Variants in ADGRA2 observed in about 807,000 individuals in gnomAD.
ADGRA2 encodes the protein G-protein coupled receptor 124.
Under a neutral mutation model 98.7 loss-of-function variants are expected in ADGRA2, and 61 were observed. The observed-to-expected ratio is 0.62, with a 90% confidence interval of 0.50 to 0.76. The LOEUF is 0.76. ADGRA2 is among the 30% of genes least tolerant of loss of function. ADGRA2 has a pLI of 0.00. For synonymous variants in ADGRA2, 858 were observed against 831.5 expected (o/e 1.03, Z -0.55); for missense variants, 1,712 against 1,860.0 (o/e 0.92, Z 1.46).
chr8:37,835,514 G>A (rs376038472), intron 12 of ADGRA2, 40 bp from the exon 13 acceptor site: 1 of 1,504,062 alleles, frequency 6.6e-7, no homozygotes, highest in Non-Finnish European at 9.3e-7. Context: ...AGTGCTCTAG[G>A]GGGTCCTGGT....
chr8:37,818,291 G>T (rs1032652911), intron 2 of ADGRA2, among the ~76,000 whole-genome samples: 1 of 152,182 alleles, frequency 6.6e-6, no homozygotes, highest in Non-Finnish European at 1.5e-5. Flanking sequence ...AAGTGAGAAG[G>T]TACTGCACAG....
At chr8:37,816,777 A>T (rs1048138039) in intron 2 of ADGRA2, among the ~76,000 whole-genome samples, 8 of 152,054 alleles carry the variant, frequency 5.3e-5, no homozygotes, top group African/African-American at 1.9e-4. Context: ...TTAGCTGGGC[A>T]TGGTGGCATG....
In ADGRA2 at chr8:37,837,834, C is replaced by T. The variant is rs918028686; in HGVS notation, c.2154C>T (p.Pro718=). 12 of 1,529,874 alleles carry T rather than the reference C, an allele frequency of 7.8e-6. No individual in the cohort carries two copies. The highest frequency in any genetic ancestry group is 4.1e-5 in the African/African-American group (3 of 72,820). 94.8% of individuals were successfully genotyped at this position (1,529,874 alleles called of 1,614,324 possible). A position where few individuals can be genotyped will look rare whatever the true frequency, so the allele number is the denominator to read the frequency against. ...PVAAWWSQEG[P]GEAGGWTSEG... The stretch of plus-strand genomic sequence containing the variant: ...CCGCTTGGTGGAGCCAGGAGGGGCC[C>T]GGGGAGGCTGGGGGCTGGACCTCGG... The change falls in exon 14 of 19, where the codon CCC becomes CCT. Residue 718 remains proline, a synonymous_variant. Coordinates refer to ENST00000412232, the MANE Select transcript of ADGRA2 (RefSeq NM_032777.10).
At chr8:37,812,349 T>G (rs62490686) in intron 1 of ADGRA2, among the ~76,000 whole-genome samples, 33,764 of 152,114 alleles carry the variant, frequency 0.22, 4,061 homozygotes, top group Middle Eastern at 0.36. Context: ...GATTTGTGGC[T>G]GGGCGCGGTG....
At chr8:37,811,274 A>T (rs1188070152) in intron 1 of ADGRA2, among the ~76,000 whole-genome samples, 1 of 142,816 alleles carries the variant, frequency 7.0e-6, no homozygotes, top group Non-Finnish European at 1.5e-5. Context: ...GGTTCAAGAG[A>T]TTCTCCTGCC....
intron 9 of ADGRA2, among the ~76,000 whole-genome samples, chr8:37,833,486 T>C (rs1213107036): frequency 6.6e-6 from 1 of 152,178 alleles, no homozygotes; most frequent in African/African-American, 2.4e-5. Flanking sequence ...CCACTGTCCT[T>C]ACACCAGGGG....
rs565873987 is a variant in ADGRA2, at chr8:37,839,740, G to A, written c.2511+118G>A. 1.3e-4 allele frequency: 169 copies of A among 1,318,042 alleles called. 2 individuals are homozygous for A. In the South Asian group the frequency reaches 2.2e-3, roughly 17 times the overall value. The allele number at this position is 1,318,042 out of a possible 1,614,324, so 81.6% of individuals were successfully genotyped here. A position where few individuals can be genotyped will look rare whatever the true frequency, so the allele number is the denominator to read the frequency against. On this transcript the variant is annotated intron_variant, in intron 16 of 18. Coordinates refer to ENST00000412232, the MANE Select transcript of ADGRA2 (RefSeq NM_032777.10). ...GGTGCTCATAGGCCGTGGCTCCATG[G>A]CTTCCTCTGTGGCAGCCTTGGAAGG...
Position 37,814,874 on chromosome 8 carries a change from T to G in ADGRA2, c.267-22T>G. ...GCACATAACAGCACCTTGTCCTGTCTGTGTCCTCTCTGTCTCTTCAGGCTC... is the reference window on the plus strand; with the variant it reads ...GCACATAACAGCACCTTGTCCTGTCGGTGTCCTCTCTGTCTCTTCAGGCTC... On this transcript the variant is annotated intron_variant, in intron 1 of 18. Coordinates refer to ENST00000412232, the MANE Select transcript of ADGRA2 (RefSeq NM_032777.10). The surrounding 1 kb of genome is among the most constrained non-coding windows in gnomAD (Gnocchi z 4.3). 1.9e-6 allele frequency: 3 copies of G among 1,588,890 alleles called. No individual in the cohort carries two copies. Among genetic ancestry groups the G allele is most frequent in the Non-Finnish European group, 2.6e-6 (3 of 1,157,016 alleles).
Position 37,835,362 on chromosome 8 carries a change from G to C in ADGRA2, c.1797G>C (p.Gly599=). Residue 599 remains glycine, a synonymous_variant, in exon 12 of 19, where the codon GGG becomes GGC. Coordinates refer to ENST00000412232, the MANE Select transcript of ADGRA2 (RefSeq NM_032777.10). ...AGCTCCGCTTCCGCTGCACCACCGG[G>C]AGGCCCAATGTTTCTCTGTCGTCCT... ...DQQLRFRCTT[G]RPNVSLSSFH... is the part of the protein sequence containing the mutation. 6.2e-7 allele frequency: 1 copy of C among 1,612,544 alleles called. No homozygotes were observed. Among genetic ancestry groups the C allele is most frequent in the Non-Finnish European group, 8.5e-7 (1 of 1,179,944 alleles).
At position 37,838,942 on chromosome 8, in the gene ADGRA2, C is replaced by T; in HGVS notation, c.2260-14C>T. On this transcript the variant is annotated splice_polypyrimidine_tract_variant and intron_variant, in intron 14 of 18. Coordinates refer to ENST00000412232, the MANE Select transcript of ADGRA2 (RefSeq NM_032777.10). The stretch of plus-strand genomic sequence containing the variant: ...GTCCACATTCCTCACGTCCTCCTTC[C>T]TGCCCTTTCCCAGGAGCTGAGCGCC... 1.3e-6 allele frequency: 2 copies of T among 1,556,626 alleles called. No homozygotes were observed. The highest frequency in any genetic ancestry group is 1.7e-6 in the Non-Finnish European group (2 of 1,154,428).
intron 1 of ADGRA2, among the ~76,000 whole-genome samples, chr8:37,808,693 T>C (rs887911054): frequency 2.6e-5 from 4 of 152,158 alleles, no homozygotes; most frequent in Non-Finnish European, 4.4e-5. Context: ...GGCTCATCCC[T>C]ATAATCCCAG....
At chr8:37,801,502 A>C (rs1804503412) in intron 1 of ADGRA2, among the ~76,000 whole-genome samples, 3 of 152,212 alleles carry the variant, frequency 2.0e-5, no homozygotes, top group Non-Finnish European at 4.4e-5. Flanking sequence ...TGAGGTTCTC[A>C]GCTCTGGGAG....
chr8:37,811,219 G>T (rs1804823684), intron 1 of ADGRA2, among the ~76,000 whole-genome samples: 1 of 145,036 alleles, frequency 6.9e-6, no homozygotes, highest in South Asian at 2.2e-4. Context: ...ACCCAGGCTG[G>T]AGTGCAATAG....
intron 1 of ADGRA2, among the ~76,000 whole-genome samples, chr8:37,813,227 C>A (rs1045570145): frequency 1.3e-5 from 2 of 152,066 alleles, no homozygotes; most frequent in Non-Finnish European, 2.9e-5. Flanking sequence ...GACCTCATCT[C>A]TAAAAAAATT....
rs1321386974 is a variant in ADGRA2 at position 37,802,816 on chromosome 8, C to T, written c.266+5282C>T. Among the ~76,000 whole-genome samples the T allele has an allele frequency of 4.6e-5, 7 of 152,192 alleles. No homozygotes were observed. Among genetic ancestry groups the T allele is most frequent in the Non-Finnish European group, 4.4e-5 (3 of 68,014 alleles). ...AGAGCCCTGGGCAGAGCTCAGAGCT[C>T]TCTGGGGCTCACTGGTTGAATGAAG... On this transcript the variant is annotated intron_variant, in intron 1 of 18. Coordinates refer to ENST00000412232, the MANE Select transcript of ADGRA2 (RefSeq NM_032777.10). The surrounding 1 kb of genome is among the most constrained non-coding windows in gnomAD (Gnocchi z 4.7).
chr8:37,808,574 G>GT (rs1416002632), intron 1 of ADGRA2, among the ~76,000 whole-genome samples: 1 of 151,892 alleles, frequency 6.6e-6, no homozygotes, highest in Non-Finnish European at 1.5e-5. Context: ...GTGTGTGTGT[G>GT]TGTGTGTGTG....
At chr8:37,833,490 C>T (rs1302557584) in intron 9 of ADGRA2, among the ~76,000 whole-genome samples, 198 bp from the exon 10 acceptor site, 1 of 152,226 alleles carries the variant, frequency 6.6e-6, no homozygotes, top group Non-Finnish European at 1.5e-5. Context: ...TGTCCTTACA[C>T]CAGGGGTGCT....
intron 16 of ADGRA2, 133 bp downstream of exon 16, chr8:37,839,755 G>C (rs2130057433): frequency 1.8e-6 from 2 of 1,136,462 alleles, no homozygotes; most frequent in Non-Finnish European, 2.5e-6. Context: ...CTCTGTGGCA[G>C]CCTTGGAAGG....
intron 1 of ADGRA2, among the ~76,000 whole-genome samples, chr8:37,804,136 C>CAT (rs1804593010): frequency 6.6e-6 from 1 of 150,528 alleles, no homozygotes; most frequent in Non-Finnish European, 1.5e-5. Flanking sequence ...CACACACACA[C>CAT]ACACACACAC....
Sources: allele counts gnomAD v4.1 joint callset (sites outside exome capture counted in the v4.1 genomes callset), GRCh38; gene constraint gnomAD v4.1.1; non-coding constraint Gnocchi (gnomAD v3.1); transcripts MANE v1.5; gene names NCBI Gene and HGNC (gene_info 2026-07-23, HGNC 2026-07-21).